The following SYNM variants were observed in gnomAD, a reference collection of about 807,000 sequenced individuals.
The protein encoded by SYNM is desmuslin.
SYNM carries 95 observed loss-of-function variants against 104.0 expected under a neutral mutation model. The ratio of observed to expected loss-of-function variants is 0.91; its 90% confidence interval spans 0.77 to 1.08. The LOEUF is 1.08. Ranked by LOEUF, SYNM falls within the 50% of genes least tolerant of loss-of-function variation. SYNM has a pLI of 0.00. For synonymous variants in SYNM, 918 were observed against 869.0 expected, an observed-to-expected ratio of 1.06 and a Z score of -0.99; for missense variants, 2,150 against 2,052.2, an observed-to-expected ratio of 1.05 and a Z score of -0.92.
rs782720641 is a variant in SYNM, at chr15:99,126,773, C to T, written c.987C>T (p.His329=). The change falls in exon 3 of 4, where the codon CAC becomes CAT. Residue 329 remains histidine, a synonymous_variant. Coordinates refer to ENST00000336292, the MANE Select transcript of SYNM (RefSeq NM_145728.3). The part of the protein sequence containing the change: ...SNPEIVIWAE[H]VENMPSEFRN... Reference sequence around the variant, plus strand: ...CAGAGATAGTGATCTGGGCTGAGCACGTTGAAAACATGCCGTCAGGTAAGT... The same window carrying T: ...CAGAGATAGTGATCTGGGCTGAGCATGTTGAAAACATGCCGTCAGGTAAGT... 1.6e-5 allele frequency: 26 copies of T among 1,576,230 alleles called. No individual in the cohort carries two copies. Among genetic ancestry groups the T allele is most frequent in the South Asian group, 9.4e-5 (8 of 85,396 alleles).
rs529491379 is a variant in SYNM at position 99,112,562 on chromosome 15, G to T, written c.811-1029G>T. ...CTTGTATGTGGTGGGCACTGGTCTA[G>T]GTCTGGGATTCAGAAGGCCGCAGTA... On this transcript the variant is annotated intron_variant, in intron 1 of 3. Transcript: ENST00000336292. Among the ~76,000 whole-genome samples the T allele has an allele frequency of 1.0e-3, 156 of 152,300 alleles. 1 individual carries two copies. The highest frequency in any genetic ancestry group is 3.7e-3 in the African/African-American group (152 of 41,544).
intron 2 of SYNM, among the ~76,000 whole-genome samples, chr15:99,118,508 T>C (rs2067370928): frequency 6.6e-6 from 1 of 152,202 alleles, no homozygotes; most frequent in African/African-American, 2.4e-5. Context: ...TCTTTAATGC[T>C]TAAAGCACGT....
chr15:99,140,503 G>A (rs2068104278), downstream of SYNM: 1 of 152,108 alleles, frequency 6.6e-6, no homozygotes, highest in South Asian at 2.1e-4. Context: ...CCGAGTAGCT[G>A]AGATTACAGG....
At chr15:99,139,314 C>CA, downstream of SYNM, 1 of 1,611,986 alleles carries the variant, frequency 6.2e-7, no homozygotes, top group Non-Finnish European at 8.5e-7. Flanking sequence ...GACGCCAACT[C>CA]ACGTGGACAG....
In SYNM at chr15:99,105,965, C is replaced by T. The variant is rs868964899; in HGVS notation, c.766C>T (p.Leu256=). The T allele has an allele frequency of 2.0e-5, 30 of 1,515,686 alleles. No homozygotes were observed. Among genetic ancestry groups the T allele is most frequent in the Non-Finnish European group, 2.5e-5 (29 of 1,138,454 alleles). The allele number at this position is 1,515,686 out of a possible 1,614,324, so 93.9% of individuals were successfully genotyped here. A position where few individuals can be genotyped will look rare whatever the true frequency, so the allele number is the denominator to read the frequency against. The stretch of plus-strand genomic sequence containing the variant: ...GCGCGCGCGGCTGGAGGACGCGCTG[C>T]TGCGGATGCGCGAGGAGTACGGGAT... ...QLRARLEDAL[L]RMREEYGIQA... The change falls in exon 1 of 4, where the codon CTG becomes TTG. Residue 256 remains leucine, a synonymous_variant. Coordinates refer to ENST00000336292, the MANE Select transcript of SYNM (RefSeq NM_145728.3).
chr15:99,126,613 AAAAC>A, intron 2 of SYNM, 105 bp from the exon 3 acceptor site: 1 of 1,106,698 alleles, frequency 9.0e-7, no homozygotes, highest in Non-Finnish European at 1.3e-6. Context: ...TAGAAGTCCT[AAAAC>A]AGGTGACACT....
chr15:99,130,049 G>A lies in SYNM; in HGVS notation c.1689G>A (p.Glu563=). ...ESQQMKEKAK[E]KDSPKEKSVR... ...AGCAGATGAAGGAGAAGGCTAAGGAGAAGGACTCACCGAAGGAGAAGAGCG... is the reference window on the plus strand; with the variant it reads ...AGCAGATGAAGGAGAAGGCTAAGGAAAAGGACTCACCGAAGGAGAAGAGCG... Residue 563 remains glutamate (E), a synonymous_variant, in exon 4 of 4, where the codon GAG becomes GAA. Coordinates refer to ENST00000336292, the MANE Select transcript of SYNM (RefSeq NM_145728.3). 4 of 1,613,930 alleles carry A rather than the reference G, an allele frequency of 2.5e-6. No homozygotes were observed. The highest frequency in any genetic ancestry group is 2.5e-6 in the Non-Finnish European group (3 of 1,179,866).
In SYNM at chr15:99,131,643, C is replaced by T; in HGVS notation, c.3283C>T (p.Pro1095Ser). The change falls in exon 4 of 4, where the codon CCC becomes TCC. Residue 1095 changes from proline to serine, a missense_variant. Transcript: ENST00000336292. The surrounding 1 kb of genome is among the most constrained non-coding windows in gnomAD (Gnocchi z 4.3). ...GASHSSGQRT[P>S]QGPVSATVEV... ...CTCTCACAGCTCGGGACAGCGCACTCCCCAGGGCCCAGTGTCGGCCACTGT... is the reference window on the plus strand; with the variant it reads ...CTCTCACAGCTCGGGACAGCGCACTTCCCAGGGCCCAGTGTCGGCCACTGT... The T allele has an allele frequency of 1.9e-6, 3 of 1,611,294 alleles. No homozygotes were observed. Among genetic ancestry groups the T allele is most frequent in the Non-Finnish European group, 2.5e-6 (3 of 1,179,530 alleles).
Position 99,130,814 on chromosome 15 carries a change from G to C in SYNM, c.2454G>C (p.Val818=), listed in dbSNP as rs1555485678. ...AGAACACGACTCACGTGGAAGAAGT[G>C]ACAGAGGCAGGTGATTCAGAGGGCG... ...PQENTTHVEE[V]TEAGDSEGEQ... Residue 818 remains valine, a synonymous_variant, in exon 4 of 4, where the codon GTG becomes GTC. Coordinates refer to ENST00000336292, the MANE Select transcript of SYNM (RefSeq NM_145728.3). The C allele has an allele frequency of 6.2e-7, 1 of 1,614,030 alleles. No individual in the cohort carries two copies. The highest frequency in any genetic ancestry group is 1.1e-5 in the South Asian group (1 of 91,080).
intron 3 of SYNM, chr15:99,129,073 A>C (rs1555485336): frequency 2.7e-6 from 1 of 364,968 alleles, no homozygotes; most frequent in Non-Finnish European, 5.0e-6. Context: ...CCTCTCTGGG[A>C]TATGCATTGT....
At position 99,105,907 on chromosome 15, in the gene SYNM, G is replaced by A; in HGVS notation, c.708G>A (p.Ala236=). ...GGCTGTGCGCGCAGGAGGCAGAGGC[G>A]CTGCGGCGCGAGGCGCTCGGGTTGG... ...ETRLCAQEAE[A]LRREALGLEQ... The change falls in exon 1 of 4, where the codon GCG becomes GCA. Residue 236 remains alanine (A), a synonymous_variant. Coordinates refer to ENST00000336292, the MANE Select transcript of SYNM (RefSeq NM_145728.3). 2 of 1,533,762 alleles carry A rather than the reference G, an allele frequency of 1.3e-6. No individual in the cohort carries two copies. The highest frequency in any genetic ancestry group is 8.7e-7 in the Non-Finnish European group (1 of 1,144,578).
At position 99,105,103 on chromosome 15, in the gene SYNM, G is replaced by T; in HGVS notation, c.-97G>T. On this transcript the variant is annotated 5_prime_UTR_variant, in exon 1 of 4. Coordinates refer to ENST00000336292, the MANE Select transcript of SYNM (RefSeq NM_145728.3). Reference sequence around the variant, plus strand: ...CCAGTCTGCGGGCCTCCGGGGCAGCGGCGAGGCCGGAGCGTCGCGGCGGAG... The same window carrying T: ...CCAGTCTGCGGGCCTCCGGGGCAGCTGCGAGGCCGGAGCGTCGCGGCGGAG... 7.2e-7 allele frequency: 1 copy of T among 1,390,124 alleles called. No homozygotes were observed. Among genetic ancestry groups the T allele is most frequent in the Non-Finnish European group, 9.6e-7 (1 of 1,038,146 alleles). 86.1% of individuals were successfully genotyped at this position (1,390,124 alleles called of 1,614,324 possible).
Position 99,105,419 on chromosome 15 carries a change from C to T in SYNM, c.220C>T (p.Leu74=). The change falls in exon 1 of 4, where the codon CTG becomes TTG. Residue 74 remains leucine (L), a synonymous_variant. Coordinates refer to ENST00000336292, the MANE Select transcript of SYNM (RefSeq NM_145728.3). Reference sequence around the variant, plus strand: ...CAGCTTGCGGCAGCAGCTGGACGAGCTGAGCTGGGCCACTGCGCTGGCGGA... The same window carrying T: ...CAGCTTGCGGCAGCAGCTGGACGAGTTGAGCTGGGCCACTGCGCTGGCGGA... ...ARSLRQQLDE[L]SWATALAEGE... is the part of the protein sequence containing the mutation. 2.0e-6 allele frequency: 3 copies of T among 1,495,680 alleles called. No homozygotes were observed. Among genetic ancestry groups the T allele is most frequent in the Non-Finnish European group, 2.7e-6 (3 of 1,129,684 alleles). 92.7% of individuals were successfully genotyped at this position (1,495,680 alleles called of 1,614,324 possible).
chr15:99,131,659 C>T lies in SYNM; in HGVS notation c.3299C>T (p.Ser1100Leu), dbSNP rs201725378. The T allele has an allele frequency of 7.9e-5, 128 of 1,611,878 alleles. No homozygotes were observed. The African/African-American group carries it at 9.1e-4, about 11-fold the overall frequency. The change falls in exon 4 of 4, where the codon TCG (serine) becomes TTG (leucine). Residue 1100 changes from serine to leucine, a missense_variant. Physicochemically the swap from Ser to Leu is moderately radical, Grantham distance 145. Transcript: ENST00000336292. This position sits in a 1 kb window ranked among gnomAD's most constrained non-coding sequence, Gnocchi z 4.3. The stretch of plus-strand genomic sequence containing the variant: ...CAGCGCACTCCCCAGGGCCCAGTGT[C>T]GGCCACTGTGGAGGTCAGCAGCCCC... ...SGQRTPQGPV[S>L]ATVEVSSPTG...
At chr15:99,116,150 C>A (rs954282502) in intron 2 of SYNM, among the ~76,000 whole-genome samples, 5 of 152,204 alleles carry the variant, frequency 3.3e-5, no homozygotes, top group African/African-American at 1.2e-4. Context: ...GGCTGGTGGC[C>A]GGGGCTCAGA....
chr15:99,134,891 C>A lies in SYNM; in HGVS notation c.*1833C>A, dbSNP rs191068419. On this transcript the variant is annotated 3_prime_UTR_variant, in exon 4 of 4. Transcript: ENST00000336292. ...GATTGTCAGACTGGTATGGAGGTGA[C>A]TGCTTTGTAAGGTTTTGTCGTTTCT... 5 of 152,354 alleles carry A rather than the reference C, an allele frequency of 3.3e-5. No homozygotes were observed. The South Asian group carries it at 1.0e-3, about 32-fold the overall frequency. The allele number at this position is 152,354 out of a possible 1,614,324, so 9.4% of individuals were successfully genotyped here. A position where few individuals can be genotyped will look rare whatever the true frequency, so the allele number is the denominator to read the frequency against.
downstream of SYNM, chr15:99,139,794 CTACTT>C: frequency 8.0e-7 from 1 of 1,255,318 alleles, no homozygotes; most frequent in Admixed American, 2.4e-5. Context: ...AACACATACT[CTACTT>C]TTATTAATAT....
chr15:99,110,199 T>G (rs1311021534), intron 1 of SYNM, among the ~76,000 whole-genome samples: 1 of 152,166 alleles, frequency 6.6e-6, no homozygotes, highest in Non-Finnish European at 1.5e-5. Flanking sequence ...GAAGGGACTT[T>G]CCTTGTTTTA....
intron 1 of SYNM, among the ~76,000 whole-genome samples, chr15:99,112,444 A>C (rs1369136087): frequency 6.6e-6 from 1 of 152,226 alleles, no homozygotes; most frequent in African/African-American, 2.4e-5. Context: ...GTTTGAGAAG[A>C]TACTGTCGAC....
Sources: allele counts gnomAD v4.1 joint callset (sites outside exome capture counted in the v4.1 genomes callset), GRCh38; gene constraint gnomAD v4.1.1; non-coding constraint Gnocchi (gnomAD v3.1); transcripts MANE v1.5; gene names NCBI Gene and HGNC (gene_info 2026-07-23, HGNC 2026-07-21).